Variants in KIRREL3 observed in about 807,000 individuals in gnomAD.
KIRREL3 encodes the protein kin of IRRE-like protein 3.
In KIRREL3, 36 loss-of-function variants were observed where a neutral mutation model predicts 89.7. That is an observed-to-expected ratio of 0.40 (90% CI 0.31 to 0.53). KIRREL3 has a LOEUF of 0.53. KIRREL3 is among the 20% of genes least tolerant of loss of function. KIRREL3 has a pLI of 0.49. For synonymous variants in KIRREL3, 445 were observed against 441.4 expected (o/e 1.01, Z -0.10); for missense variants, 864 against 1,056.6 (o/e 0.82, Z 2.53).
chr11:126,502,766 A>G (rs1395931705), intron 4 of KIRREL3, among the ~76,000 whole-genome samples: 2 of 152,220 alleles, frequency 1.3e-5, no homozygotes, highest in East Asian at 3.8e-4. Context: ...CCAAAAGGTG[A>G]TCTTTAAAAC....
chr11:126,795,780 G>T lies in KIRREL3; in HGVS notation c.55+204675C>A, dbSNP rs1307858038. Among the ~76,000 whole-genome samples the T allele has an allele frequency of 6.6e-6, 1 of 152,080 alleles. No individual in the cohort carries two copies. The highest frequency in any genetic ancestry group is 1.5e-5 in the Non-Finnish European group (1 of 68,034). ...AGTTTTTTAATTAAAAAGAATTACA[G>T]AGCCACTTCAACCACCAGTTCTTCT... is the stretch of plus-strand genomic sequence containing the variant. On this transcript the variant is annotated intron_variant, in intron 1 of 16. Transcript: ENST00000525144. The surrounding 1 kb of genome is among the most constrained non-coding windows in gnomAD (Gnocchi z 4.1).
At chr11:126,545,189 C>G (rs538087458) in intron 2 of KIRREL3, among the ~76,000 whole-genome samples, 1 of 152,066 alleles carries the variant, frequency 6.6e-6, no homozygotes, top group Non-Finnish European at 1.5e-5. Flanking sequence ...CTCTTCATCT[C>G]GGGAGAAGGA....
At chr11:126,758,422 A>G (rs934963491) in intron 1 of KIRREL3, among the ~76,000 whole-genome samples, 1 of 152,220 alleles carries the variant, frequency 6.6e-6, no homozygotes, top group African/African-American at 2.4e-5. Flanking sequence ...AGTCAAATGA[A>G]TTTCTGATAA....
In KIRREL3 at chr11:126,639,016, C is replaced by T. The variant is rs888710460; in HGVS notation, c.56-76104G>A. Among the ~76,000 whole-genome samples the T allele has an allele frequency of 1.2e-4, 18 of 152,192 alleles. No individual in the cohort carries two copies. The highest frequency in any genetic ancestry group is 4.3e-4 in the African/African-American group (18 of 41,514). ...TTTTTTAATTGAATGAATTAAGATT[C>T]ACAAGTAATTTGAAAGGCATCTCTA... On this transcript the variant is annotated intron_variant, in intron 1 of 16. Coordinates refer to ENST00000525144, the MANE Select transcript of KIRREL3 (RefSeq NM_032531.4). This position sits in a 1 kb window ranked among gnomAD's most constrained non-coding sequence, Gnocchi z 4.3.
At position 126,689,501 on chromosome 11, in the gene KIRREL3, G is replaced by A. The variant is rs191966233; in HGVS notation, c.56-126589C>T. On this transcript the variant is annotated intron_variant, in intron 1 of 16. Coordinates refer to ENST00000525144, the MANE Select transcript of KIRREL3 (RefSeq NM_032531.4). The surrounding 1 kb of genome is among the most constrained non-coding windows in gnomAD (Gnocchi z 5.2). ...CAAAGAGGAGGTCTCCTATGCACCC[G>A]AGGAGGATGAGTCTTCAGAGTTTCC... is the stretch of plus-strand genomic sequence containing the variant. Among the ~76,000 whole-genome samples the A allele has an allele frequency of 2.0e-3, 311 of 152,336 alleles. No homozygotes were observed. Among genetic ancestry groups the A allele is most frequent in the African/African-American group, 6.0e-3 (248 of 41,576 alleles).
chr11:126,765,936 G>A (rs891624660), intron 1 of KIRREL3, among the ~76,000 whole-genome samples: 4 of 151,944 alleles, frequency 2.6e-5, no homozygotes, highest in African/African-American at 9.7e-5. Context: ...ATAATCAAGT[G>A]CTCTACAATT....
In KIRREL3 at chr11:126,989,037, C is replaced by T. The variant is rs56228504; in HGVS notation, c.55+11418G>A. On this transcript the variant is annotated intron_variant, in intron 1 of 16. Coordinates refer to ENST00000525144, the MANE Select transcript of KIRREL3 (RefSeq NM_032531.4). This position sits in a 1 kb window ranked among gnomAD's most constrained non-coding sequence, Gnocchi z 6.2. ...GCCAAATCAAGGGGTCGGGGGACAG[C>T]AGGGCCAAGGTCAAACACCTCGTTG... Among the ~76,000 whole-genome samples, 6,263 of 152,256 alleles carry T rather than the reference C, an allele frequency of 0.041. 187 individuals carry two copies. Among genetic ancestry groups the T allele is most frequent in the Middle Eastern group, 0.071 (21 of 294 alleles).
At position 126,997,213 on chromosome 11, in the gene KIRREL3, A is replaced by G. The variant is rs562195537; in HGVS notation, c.55+3242T>C. ...AATGATAAAGAGGAAAAAATATAGCAAGTTCTAAGTTTATGGATGACAAAA... is the reference window on the plus strand; with the variant it reads ...AATGATAAAGAGGAAAAAATATAGCGAGTTCTAAGTTTATGGATGACAAAA... On this transcript the variant is annotated intron_variant, in intron 1 of 16. Coordinates refer to ENST00000525144, the MANE Select transcript of KIRREL3 (RefSeq NM_032531.4). The surrounding 1 kb of genome is among the most constrained non-coding windows in gnomAD (Gnocchi z 4.3). Among the ~76,000 whole-genome samples the G allele has an allele frequency of 1.2e-4, 18 of 152,174 alleles. No individual in the cohort carries two copies. Among genetic ancestry groups the G allele is most frequent in the Non-Finnish European group, 2.2e-4 (15 of 68,018 alleles).
intron 1 of KIRREL3, among the ~76,000 whole-genome samples, chr11:126,921,010 GCACTTGCATCTCTCTCGC>G (rs1415462262): frequency 6.6e-6 from 1 of 152,188 alleles, no homozygotes; most frequent in African/African-American, 2.4e-5. Flanking sequence ...GAAGAGACTG[GCACTTGCATCTCTCTCGC>G]CCCCTGTGGG....
Position 126,931,346 on chromosome 11 carries a change from C to T in KIRREL3, c.55+69109G>A, listed in dbSNP as rs1179283174. Among the ~76,000 whole-genome samples, 1 of 33,926 alleles carries T rather than the reference C, an allele frequency of 2.9e-5. No homozygotes were observed. The highest frequency in any genetic ancestry group is 2.4e-4 in the African/African-American group (1 of 4,244). The allele number at this position is 33,926 out of a possible 152,430, so 22.3% of individuals were successfully genotyped here. ...TCTATTACCTGCCTTTCCTCCCTCC[C>T]TCCATACATTCCTTCTTTCCTTCCT... On this transcript the variant is annotated intron_variant, in intron 1 of 16. Transcript: ENST00000525144. This position sits in a 1 kb window ranked among gnomAD's most constrained non-coding sequence, Gnocchi z 5.1.
Position 126,552,565 on chromosome 11 carries a change from T to A in KIRREL3, c.133+10270A>T, listed in dbSNP as rs889561687. Among the ~76,000 whole-genome samples the A allele has an allele frequency of 7.7e-3, 663 of 86,528 alleles. 18 individuals are homozygous for A. Among genetic ancestry groups the A allele is most frequent in the African/African-American group, 0.031 (637 of 20,486 alleles). 56.8% of individuals were successfully genotyped at this position (86,528 alleles called of 152,430 possible). On this transcript the variant is annotated intron_variant, in intron 2 of 16. Coordinates refer to ENST00000525144, the MANE Select transcript of KIRREL3 (RefSeq NM_032531.4). Reference sequence around the variant, plus strand: ...AGAGAGAAAAGTTTTTTTTTTTTTTTTTTTTTTTTTTTTTTTGAGACAGAG... The same window carrying A: ...AGAGAGAAAAGTTTTTTTTTTTTTTATTTTTTTTTTTTTTTTGAGACAGAG...
rs577856321 is a variant in KIRREL3 at position 126,553,633 on chromosome 11, T to C, written c.133+9202A>G. Among the ~76,000 whole-genome samples the C allele has an allele frequency of 8.5e-5, 13 of 152,344 alleles. No individual in the cohort carries two copies. The South Asian group carries it at 2.7e-3, about 32-fold the overall frequency. On this transcript the variant is annotated intron_variant, in intron 2 of 16. Transcript: ENST00000525144. This position sits in a 1 kb window ranked among gnomAD's most constrained non-coding sequence, Gnocchi z 4.7. Reference sequence around the variant, plus strand: ...TATCTGCGTGTCGATTCCCGTCACCTTCTGAACCTTGAAGGGAGTTCTTCT... The same window carrying C: ...TATCTGCGTGTCGATTCCCGTCACCCTCTGAACCTTGAAGGGAGTTCTTCT...
rs1565554111 is a variant in KIRREL3 at position 126,563,382 on chromosome 11, A to G, written c.56-470T>C. On this transcript the variant is annotated intron_variant, in intron 1 of 16. Transcript: ENST00000525144. The surrounding 1 kb of genome is among the most constrained non-coding windows in gnomAD (Gnocchi z 6.8). ...GTCGTGTCTAGGATGGAACAGTGCA[A>G]CCAGACATGGTGGGTGACTCAGGAG... 6.6e-6 allele frequency among the ~76,000 whole-genome samples: 1 copy of G among 152,198 alleles called. No individual in the cohort carries two copies. The highest frequency in any genetic ancestry group is 1.5e-5 in the Non-Finnish European group (1 of 68,026).
chr11:126,972,682 T>A (rs1415595535), intron 1 of KIRREL3, among the ~76,000 whole-genome samples: 1 of 152,192 alleles, frequency 6.6e-6, no homozygotes, highest in Non-Finnish European at 1.5e-5. Context: ...AATCAGCCAG[T>A]TGGCTTCTGT....
In KIRREL3 at chr11:126,513,102, C is replaced by A. The variant is rs1270029440; in HGVS notation, c.433+8213G>T. Among the ~76,000 whole-genome samples the A allele has an allele frequency of 6.6e-6, 1 of 152,084 alleles. No homozygotes were observed. The highest frequency in any genetic ancestry group is 6.6e-5 in the Admixed American group (1 of 15,266). Reference sequence around the variant, plus strand: ...ACACTCCAGAACTTCCCAGGGCTGCCCTGAAGAGCCTGTCTCTTGGTGATG... The same window carrying A: ...ACACTCCAGAACTTCCCAGGGCTGCACTGAAGAGCCTGTCTCTTGGTGATG... On this transcript the variant is annotated intron_variant, in intron 4 of 16. Coordinates refer to ENST00000525144, the MANE Select transcript of KIRREL3 (RefSeq NM_032531.4). The surrounding 1 kb of genome is among the most constrained non-coding windows in gnomAD (Gnocchi z 5.9).
At position 126,652,183 on chromosome 11, in the gene KIRREL3, C is replaced by T. The variant is rs534278344; in HGVS notation, c.56-89271G>A. Among the ~76,000 whole-genome samples the T allele has an allele frequency of 6.6e-6, 1 of 152,116 alleles. No individual in the cohort carries two copies. Among genetic ancestry groups the T allele is most frequent in the Admixed American group, 6.6e-5 (1 of 15,262 alleles). On this transcript the variant is annotated intron_variant, in intron 1 of 16. Transcript: ENST00000525144. This position sits in a 1 kb window ranked among gnomAD's most constrained non-coding sequence, Gnocchi z 4.9. Reference sequence around the variant, plus strand: ...CTGGCAGGCTGGAATTTCAGCCCCTCAGAGTGAAGGGATGGGCTTCTTTGG... The same window carrying T: ...CTGGCAGGCTGGAATTTCAGCCCCTTAGAGTGAAGGGATGGGCTTCTTTGG...
At position 126,796,092 on chromosome 11, in the gene KIRREL3, T is replaced by TG. The variant is rs1950801631; in HGVS notation, c.55+204362dup. Among the ~76,000 whole-genome samples the TG allele has an allele frequency of 2.0e-5, 3 of 152,160 alleles. 1 individual carries two copies. The South Asian group carries it at 6.2e-4, about 32-fold the overall frequency. On this transcript the variant is annotated intron_variant, in intron 1 of 16. Transcript: ENST00000525144. This position sits in a 1 kb window ranked among gnomAD's most constrained non-coding sequence, Gnocchi z 5.1. ...TTTCAATGGGACACGTTTTTATCCATGGGGTCCATGGATCTTATTTTAGTT... is the reference window on the plus strand; with the variant it reads ...TTTCAATGGGACACGTTTTTATCCATGGGGGTCCATGGATCTTATTTTAGTT...
chr11:126,494,514 T>C (rs1208469914), intron 4 of KIRREL3, among the ~76,000 whole-genome samples: 2 of 152,256 alleles, frequency 1.3e-5, no homozygotes, highest in African/African-American at 4.8e-5. Context: ...TTTGATATTT[T>C]GCTTATCATG....
In KIRREL3 at chr11:126,474,544, C is replaced by A. The variant is rs1225092615; in HGVS notation, c.434-1078G>T. On this transcript the variant is annotated intron_variant, in intron 4 of 16. Coordinates refer to ENST00000525144, the MANE Select transcript of KIRREL3 (RefSeq NM_032531.4). The surrounding 1 kb of genome is among the most constrained non-coding windows in gnomAD (Gnocchi z 6.7). The stretch of plus-strand genomic sequence containing the variant: ...TGTAAGCGCTGGCATCTCCTGAGCT[C>A]CTCACTCCTCCAGAGCGGCTCCAGC... Among the ~76,000 whole-genome samples the A allele has an allele frequency of 6.6e-6, 1 of 152,198 alleles. No individual in the cohort carries two copies. Among genetic ancestry groups the A allele is most frequent in the Non-Finnish European group, 1.5e-5 (1 of 68,034 alleles).
Sources: gnomAD v4.1 joint callset for allele counts (sites outside exome capture counted in the v4.1 genomes callset) on GRCh38, gnomAD v4.1.1 for gene constraint, Gnocchi (gnomAD v3.1) non-coding constraint, MANE v1.5 for transcripts, NCBI Gene and HGNC (gene_info 2026-07-23, HGNC 2026-07-21) for gene names.